The following PITPNM2 variants were observed in gnomAD, a reference collection of about 807,000 sequenced individuals.
PITPNM2 encodes the protein phosphatidylinositol transfer protein membrane associated 2.
A neutral mutation model predicts 132.2 loss-of-function variants in PITPNM2; 35 were observed. The observed-to-expected ratio is 0.26, with a 90% confidence interval of 0.20 to 0.35. PITPNM2 has a LOEUF of 0.35. Among genes scored for constraint, PITPNM2 ranks in the 10% least tolerant of loss-of-function variants. PITPNM2 has a pLI of 1.00. For synonymous variants in PITPNM2, 738 were observed against 799.2 expected (o/e 0.92, Z 1.29); for missense variants, 1,332 against 1,912.0 (o/e 0.70, Z 5.66).
chr12:122,986,242 C>T lies in PITPNM2; in HGVS notation c.3835G>A (p.Gly1279Ser), dbSNP rs1013052803. 1.2e-5 allele frequency: 19 copies of T among 1,575,846 alleles called. No homozygotes were observed. The highest frequency in any genetic ancestry group is 1.7e-4 in the Middle Eastern group (1 of 6,024). The change falls in exon 26 of 26, where the codon GGC (glycine) becomes AGC (serine). Residue 1279 changes from glycine to serine, a missense_variant. By Grantham distance (56) the Gly-to-Ser change is moderately conservative. This residue lies in a region of PITPNM2 where 163 missense variants were observed against 177.2 expected (regional missense o/e 0.92). Transcript: ENST00000320201. Reference protein sequence around the residue: ...TRMALRKGSFGLPGQGDFLRS... With the variant: ...TRMALRKGSFSLPGQGDFLRS... Reference sequence around the variant, plus strand: ...AGAAAGTCGCCCTGGCCGGGCAGGCCGAAGCTGCCCTTGCGCAGCGCCATG... The same window carrying T: ...AGAAAGTCGCCCTGGCCGGGCAGGCTGAAGCTGCCCTTGCGCAGCGCCATG...
At chr12:123,017,209 A>T (rs1311074766) in intron 3 of PITPNM2, among the ~76,000 whole-genome samples, 1 of 151,756 alleles carries the variant, frequency 6.6e-6, no homozygotes, top group Non-Finnish European at 1.5e-5. Flanking sequence ...CGTCTCTACT[A>T]AAAAAATACA....
At chr12:123,006,224 C>T (rs1327633552) in intron 6 of PITPNM2, 2 of 152,032 alleles carry the variant, frequency 1.3e-5, no homozygotes, top group African/African-American at 4.8e-5. Context: ...TATATTTTTC[C>T]TGTTAAATTT....
Position 123,004,574 on chromosome 12 carries a change from C to T in PITPNM2, c.953-85G>A, listed in dbSNP as rs775612504. ...TGAGCCGGCAGGAGGCAGGGAGGGC[C>T]ACCCACAGGCCTGACAGGCATCACA... On this transcript the variant is annotated intron_variant, in intron 7 of 25. Coordinates refer to ENST00000320201, the MANE Select transcript of PITPNM2 (RefSeq NM_020845.3). This position sits in a 1 kb window ranked among gnomAD's most constrained non-coding sequence, Gnocchi z 4.9. 2.6e-5 allele frequency: 33 copies of T among 1,275,004 alleles called. No individual in the cohort carries two copies. Among genetic ancestry groups the T allele is most frequent in the Non-Finnish European group, 3.4e-5 (30 of 881,764 alleles). The allele number at this position is 1,275,004 out of a possible 1,614,324, so 79.0% of individuals were successfully genotyped here.
rs557198606 is a variant in PITPNM2 at position 123,117,808 on chromosome 12, C to A, written c.-199-7320G>T. Among the ~76,000 whole-genome samples, 1 of 152,338 alleles carries A rather than the reference C, an allele frequency of 6.6e-6. No homozygotes were observed. Among genetic ancestry groups the A allele is most frequent in the East Asian group, 1.9e-4 (1 of 5,182 alleles). On this transcript the variant is annotated intron_variant, in intron 1 of 25. Transcript: ENST00000320201. This position sits in a 1 kb window ranked among gnomAD's most constrained non-coding sequence, Gnocchi z 4.7. ...ATGGTCCAATTTCCTCTCCCTAAAT[C>A]ATATGTTTAGCCCCCTGGACTCTAG... is the stretch of plus-strand genomic sequence containing the variant.
intron 1 of PITPNM2, among the ~76,000 whole-genome samples, chr12:123,114,964 C>A (rs558448094): frequency 2.8e-4 from 43 of 152,266 alleles, no homozygotes; most frequent in African/African-American, 1.0e-3. Flanking sequence ...GAGGGCCAGG[C>A]GTGCTACAGC....
At chr12:123,115,078 C>T (rs1251473562) in intron 1 of PITPNM2, among the ~76,000 whole-genome samples, 2 of 152,188 alleles carry the variant, frequency 1.3e-5, no homozygotes, top group South Asian at 2.1e-4. Flanking sequence ...CATCCTCTCA[C>T]CCGCCCACCT....
intron 2 of PITPNM2, among the ~76,000 whole-genome samples, chr12:123,063,935 GGGAA>G (rs2041330018): frequency 1.3e-5 from 2 of 152,072 alleles, no homozygotes; most frequent in Non-Finnish European, 2.9e-5. Context: ...GGGTAGTAAG[GGGAA>G]TAAATTAACA....
At position 122,996,775 on chromosome 12, in the gene PITPNM2, G is replaced by T. The variant is rs768001134; in HGVS notation, c.1608C>A (p.Asn536Lys). 1.4e-5 allele frequency: 23 copies of T among 1,611,408 alleles called. No homozygotes were observed. Among genetic ancestry groups the T allele is most frequent in the Non-Finnish European group, 1.8e-5 (21 of 1,179,382 alleles). ...EAVATVIQRA[N>K]LAYGDFIKSQ... ...ACTTGATGAAGTCCCCATAGGCAAG[G>T]TTGGCTCGCTGAATCACTGTGGCAA... Residue 536 changes from asparagine to lysine, a missense_variant, in exon 12 of 26, where the codon AAC becomes AAA. Asn to Lys is a moderately conservative substitution (Grantham distance 94). Coordinates refer to ENST00000320201, the MANE Select transcript of PITPNM2 (RefSeq NM_020845.3).
chr12:123,029,927 G>A (rs2040018379), intron 3 of PITPNM2, among the ~76,000 whole-genome samples: 1 of 149,440 alleles, frequency 6.7e-6, no homozygotes, highest in African/African-American at 2.5e-5. Flanking sequence ...CCAGAAACTG[G>A]GAAAACAGAC....
chr12:122,988,373 G>T, intron 19 of PITPNM2, 23 bp from the exon 20 acceptor site: 1 of 1,602,718 alleles, frequency 6.2e-7, no homozygotes, highest in Non-Finnish European at 8.5e-7. Flanking sequence ...GACAGTGCAG[G>T]CTGTGGGGCA....
intron 1 of PITPNM2, among the ~76,000 whole-genome samples, chr12:123,125,161 T>C (rs2043112350): frequency 6.6e-6 from 1 of 152,152 alleles, no homozygotes; most frequent in African/African-American, 2.4e-5. Context: ...GGTCTTGCCA[T>C]GTTGCCCAGG....
chr12:122,997,023 T>C, intron 11 of PITPNM2, 113 bp from the exon 12 acceptor site: 1 of 1,147,740 alleles, frequency 8.7e-7, no homozygotes, highest in Non-Finnish European at 1.2e-6. Flanking sequence ...GTGAGGACCC[T>C]TCCCGGCCAG....
At chr12:123,053,934 C>G (rs1378032884) in intron 2 of PITPNM2, among the ~76,000 whole-genome samples, 1 of 152,038 alleles carries the variant, frequency 6.6e-6, no homozygotes, top group Non-Finnish European at 1.5e-5. Flanking sequence ...GCCAGTTTTA[C>G]TTGTATTTAT....
chr12:123,145,808 G>A (rs552098722), intron 1 of PITPNM2, among the ~76,000 whole-genome samples: 42 of 152,212 alleles, frequency 2.8e-4, no homozygotes, highest in African/African-American at 9.1e-4. Context: ...GCAAGACGTC[G>A]TCTCTACTAA....
intron 1 of PITPNM2, among the ~76,000 whole-genome samples, chr12:123,119,519 G>C (rs1360324723): frequency 6.6e-6 from 1 of 151,958 alleles, no homozygotes; most frequent in East Asian, 1.9e-4. Flanking sequence ...CACCACGCCT[G>C]GCTAATTTTT....
In PITPNM2 at chr12:123,150,728, G is replaced by A. The variant is rs2043723956; in HGVS notation, c.-200+25C>T. Among the ~76,000 whole-genome samples, 1 of 150,534 alleles carries A rather than the reference G, an allele frequency of 6.6e-6. No individual in the cohort carries two copies. Among genetic ancestry groups the A allele is most frequent in the South Asian group, 2.1e-4 (1 of 4,824 alleles). On this transcript the variant is annotated intron_variant, in intron 1 of 25. Transcript: ENST00000320201. This position sits in a 1 kb window ranked among gnomAD's most constrained non-coding sequence, Gnocchi z 6.0. Reference sequence around the variant, plus strand: ...ACTGCGGGACTCACCGCGGGCCTGCGGAGCGGCCGCCCGGACGCACTCACC... The same window carrying A: ...ACTGCGGGACTCACCGCGGGCCTGCAGAGCGGCCGCCCGGACGCACTCACC...
At chr12:123,094,753 GGGGCCGAGGGCAGGGAA>G (rs769896561) in intron 2 of PITPNM2, among the ~76,000 whole-genome samples, 3 of 152,218 alleles carry the variant, frequency 2.0e-5, no homozygotes, top group Non-Finnish European at 4.4e-5. Flanking sequence ...GCTCCCAGGT[GGGGCCGAGGGCAGGGAA>G]GGCCAGGTTC....
At chr12:122,988,182 G>C in intron 20 of PITPNM2, 52 bp downstream of exon 20, 1 of 1,461,136 alleles carries the variant, frequency 6.8e-7, no homozygotes, top group Non-Finnish European at 9.6e-7. Context: ...TGGACACGGA[G>C]GCTGGTGACA....
intron 1 of PITPNM2, among the ~76,000 whole-genome samples, chr12:123,121,505 G>T (rs180728919): frequency 3.7e-4 from 56 of 152,132 alleles, no homozygotes; most frequent in Non-Finnish European, 6.8e-4. Flanking sequence ...GGTTAAATAC[G>T]CATAACATAA....
Sources: allele counts gnomAD v4.1 joint callset (sites outside exome capture counted in the v4.1 genomes callset), GRCh38; gene constraint gnomAD v4.1.1; regional missense constraint gnomAD v4.1.1; non-coding constraint Gnocchi (gnomAD v3.1); transcripts MANE v1.5; gene names NCBI Gene and HGNC (gene_info 2026-07-23, HGNC 2026-07-21).